The following CDX2 variants were observed in gnomAD, a reference collection of about 807,000 sequenced individuals.
CDX2 encodes caudal type homeobox 2.
CDX2 carries 7 observed loss-of-function variants against 25.5 expected under a neutral mutation model. That is an observed-to-expected ratio of 0.27 (90% CI 0.16 to 0.52). The LOEUF (loss-of-function observed/expected upper bound fraction) is 0.52. CDX2 is among the 20% of genes least tolerant of loss of function. The pLI, the probability that CDX2 is intolerant of heterozygous loss-of-function variation, is 0.97. For synonymous variants in CDX2, 222 were observed against 198.6 expected (o/e 1.12, Z -0.99); for missense variants, 375 against 431.4 (o/e 0.87, Z 1.16).
chr13:27,968,737 G>A lies in CDX2; in HGVS notation c.270C>T (p.Asn90=). 1 of 1,510,674 alleles carries A rather than the reference G, an allele frequency of 6.6e-7. No individual in the cohort carries two copies. Among genetic ancestry groups the A allele is most frequent in the Non-Finnish European group, 8.8e-7 (1 of 1,136,612 alleles). The allele number at this position is 1,510,674 out of a possible 1,614,324, so 93.6% of individuals were successfully genotyped here. Residue 90 remains asparagine, a synonymous_variant, in exon 1 of 3, where the codon AAC becomes AAT. Transcript: ENST00000381020. ...YAPGGAAAAA[N]AVAHGLNGGS... ...CACCGTTGAGGCCGTGAGCCACGGCGTTGGCGGCGGCCGCGGCGCCTCCGG... is the reference window on the plus strand; with the variant it reads ...CACCGTTGAGGCCGTGAGCCACGGCATTGGCGGCGGCCGCGGCGCCTCCGG...
At position 27,968,591 on chromosome 13, in the gene CDX2, G is replaced by A. The variant is rs1425248970; in HGVS notation, c.416C>T (p.Thr139Met). ...APSCASGLLQ[T>M]LNPGPPGPAA... ...GGGCCCAGGAGGGCCGGGGTTGAGC[G>A]TTTGCAGCAGCCCAGAAGCGCAGGA... The change falls in exon 1 of 3, where the codon ACG (threonine) becomes ATG (methionine). Residue 139 changes from threonine (T) to methionine (M), a missense_variant. Around this residue, in one of 3 missense-constraint regions of CDX2, gnomAD observed 253 missense variants for 247.5 expected, o/e 1.02. Coordinates refer to ENST00000381020, the MANE Select transcript of CDX2 (RefSeq NM_001265.6). 1.3e-6 allele frequency: 2 copies of A among 1,568,822 alleles called. No individual in the cohort carries two copies. Among genetic ancestry groups the A allele is most frequent in the East Asian group, 2.4e-5 (1 of 41,882 alleles).
chr13:27,964,296 G>A lies in CDX2; in HGVS notation c.687+574C>T, dbSNP rs1449350217. Among the ~76,000 whole-genome samples, 1 of 152,218 alleles carries A rather than the reference G, an allele frequency of 6.6e-6. No homozygotes were observed. The highest frequency in any genetic ancestry group is 1.5e-5 in the Non-Finnish European group (1 of 68,042). ...TGCCTGTAGTCCCAGCTATTTGGGAGGCTGAAGCAGGAGAATCGCTTGAAC... is the reference window on the plus strand; with the variant it reads ...TGCCTGTAGTCCCAGCTATTTGGGAAGCTGAAGCAGGAGAATCGCTTGAAC... On this transcript the variant is annotated intron_variant, in intron 2 of 2. Coordinates refer to ENST00000381020, the MANE Select transcript of CDX2 (RefSeq NM_001265.6). This position sits in a 1 kb window ranked among gnomAD's most constrained non-coding sequence, Gnocchi z 4.7.
Position 27,968,804 on chromosome 13 carries a change from G to A in CDX2, c.203C>T (p.Ala68Val). ...GTCCTCCCGGAGTGGGGCGCCATACGCTGCCGGCCAGGATGGCCCCGGGGA... is the reference window on the plus strand; with the variant it reads ...GTCCTCCCGGAGTGGGGCGCCATACACTGCCGGCCAGGATGGCCCCGGGGA... Reference protein sequence around the residue: ...AQSPGPSWPAAYGAPLREDWN... With the variant: ...AQSPGPSWPAVYGAPLREDWN... The change falls in exon 1 of 3, where the codon GCG becomes GTG. Residue 68 changes from alanine (A) to valine (V), a missense_variant. This residue lies in a region of CDX2 where 253 missense variants were observed against 247.5 expected (regional missense o/e 1.02). Transcript: ENST00000381020. 2 of 1,533,916 alleles carry A rather than the reference G, an allele frequency of 1.3e-6. No homozygotes were observed.
At chr13:27,966,312 C>A (rs1405118412) in intron 1 of CDX2, among the ~76,000 whole-genome samples, 1 of 152,236 alleles carries the variant, frequency 6.6e-6, no homozygotes, top group Non-Finnish European at 1.5e-5. Context: ...CCCGACCCCG[C>A]GCCTGCTATG....
Position 27,963,070 on chromosome 13 carries a change from C to T in CDX2, c.*45G>A. The T allele has an allele frequency of 6.3e-7, 1 of 1,575,962 alleles. No individual in the cohort carries two copies. On this transcript the variant is annotated 3_prime_UTR_variant, in exon 3 of 3. Transcript: ENST00000381020. ...GGAGTCTAGCAGAGTCCACGCTCCT[C>T]ATGGCTCAGCCTGGAATTGCTCTGC...
Position 27,963,208 on chromosome 13 carries a change from A to T in CDX2, c.849T>A (p.Ser283Arg), listed in dbSNP as rs139907356. ...CTGAGGCTTGCAGGGAAGACACCGG[A>T]CTCAAGGGCTCTGGGACACTTCTCA... ...GPLRSVPEPL[S>R]PVSSLQASVP... The change falls in exon 3 of 3, where the codon AGT becomes AGA. Residue 283 changes from serine to arginine, a missense_variant. This residue lies in a region of CDX2 where 58 missense variants were observed against 59.4 expected (regional missense o/e 0.98). Coordinates refer to ENST00000381020, the MANE Select transcript of CDX2 (RefSeq NM_001265.6). 71 of 1,614,034 alleles carry T rather than the reference A, an allele frequency of 4.4e-5. No homozygotes were observed. The Admixed American group carries it at 5.2e-4, about 12-fold the overall frequency.
At chr13:27,967,368 G>A (rs1869386330) in intron 1 of CDX2, 1 of 524,074 alleles carries the variant, frequency 1.9e-6, no homozygotes, top group Non-Finnish European at 3.7e-6. Context: ...CCCAAAGGGC[G>A]CTTTGATTTA....
At position 27,963,072 on chromosome 13, in the gene CDX2, T is replaced by A. The variant is rs1869136832; in HGVS notation, c.*43A>T. ...AGTCTAGCAGAGTCCACGCTCCTCATGGCTCAGCCTGGAATTGCTCTGCCG... is the reference window on the plus strand; with the variant it reads ...AGTCTAGCAGAGTCCACGCTCCTCAAGGCTCAGCCTGGAATTGCTCTGCCG... On this transcript the variant is annotated 3_prime_UTR_variant, in exon 3 of 3. Transcript: ENST00000381020. 7 of 1,577,966 alleles carry A rather than the reference T, an allele frequency of 4.4e-6. No individual in the cohort carries two copies. In the East Asian group the frequency reaches 1.6e-4, roughly 35 times the overall value.
chr13:27,968,882 C>T lies in CDX2; in HGVS notation c.125G>A (p.Gly42Asp), dbSNP rs1411143537. Reference protein sequence around the residue: ...VSPPQYPDYGGYHVAAAAAAA... With the variant: ...VSPPQYPDYGDYHVAAAAAAA... ...TGCAGCTGCGGCCGCCACGTGGTAA[C>T]CGCCGTAGTCCGGGTACTGCGGGGG... is the stretch of plus-strand genomic sequence containing the variant. Residue 42 changes from glycine to aspartate, a missense_variant, in exon 1 of 3, where the codon GGT becomes GAT. Physicochemically the swap from Gly to Asp is moderately conservative, Grantham distance 94 (BLOSUM62 -1). Around this residue, in one of 3 missense-constraint regions of CDX2, gnomAD observed 253 missense variants for 247.5 expected, o/e 1.02. Transcript: ENST00000381020. 1.9e-6 allele frequency: 3 copies of T among 1,604,438 alleles called. No homozygotes were observed. Among genetic ancestry groups the T allele is most frequent in the African/African-American group, 2.7e-5 (2 of 74,728 alleles).
chr13:27,963,202 C>T lies in CDX2; in HGVS notation c.855G>A (p.Val285=), dbSNP rs1195279015. ...LRSVPEPLSP[V]SSLQASVPGS... ...CAGGCACTGAGGCTTGCAGGGAAGA[C>T]ACCGGACTCAAGGGCTCTGGGACAC... Residue 285 remains valine (V), a synonymous_variant, in exon 3 of 3, where the codon GTG becomes GTA. Transcript: ENST00000381020. 3.7e-6 allele frequency: 6 copies of T among 1,614,214 alleles called. No individual in the cohort carries two copies. The Admixed American group carries it at 1.0e-4, about 27-fold the overall frequency.
chr13:27,968,032 G>T (rs1869421200), intron 1 of CDX2, among the ~76,000 whole-genome samples: 1 of 152,192 alleles, frequency 6.6e-6, no homozygotes, highest in Non-Finnish European at 1.5e-5. Flanking sequence ...AAGAGAGAGC[G>T]GAGATAAATG....
At chr13:27,963,400 T>G (rs2504212) in intron 2 of CDX2, 31 bp from the exon 3 acceptor site, 1,231,420 of 1,507,196 alleles carry the variant, frequency 0.82, 503,802 homozygotes, top group South Asian at 0.89. Context: ...AAAAGCACAT[T>G]GTGGTGAAGA....
rs763279091 is a variant in CDX2, at chr13:27,968,909, C to G, written c.98G>C (p.Ser33Thr). The G allele has an allele frequency of 6.2e-7, 1 of 1,608,206 alleles. No individual in the cohort carries two copies. ...GLNLAPQNFV[S>T]PPQYPDYGGY... ...GCCGTAGTCCGGGTACTGCGGGGGG[C>G]TGACGAAGTTCTGCGGCGCCAGGTT... is the stretch of plus-strand genomic sequence containing the variant. Residue 33 changes from serine (S) to threonine (T), a missense_variant, in exon 1 of 3, where the codon AGC (serine) becomes ACC (threonine). Ser to Thr is a moderately conservative substitution (Grantham distance 58). Transcript: ENST00000381020.
rs772885631 is a variant in CDX2, at chr13:27,963,075, C to T, written c.*40G>A. The stretch of plus-strand genomic sequence containing the variant: ...CTAGCAGAGTCCACGCTCCTCATGG[C>T]TCAGCCTGGAATTGCTCTGCCGCTG... On this transcript the variant is annotated 3_prime_UTR_variant, in exon 3 of 3. Transcript: ENST00000381020. The T allele has an allele frequency of 1.6e-5, 25 of 1,581,070 alleles. No homozygotes were observed. In the Middle Eastern group the frequency reaches 5.8e-4, roughly 37 times the overall value.
rs1266601817 is a variant in CDX2 at position 27,969,043 on chromosome 13, CCT to C, written c.-39_-38del. 1 of 1,524,628 alleles carries C rather than the reference CCT, an allele frequency of 6.6e-7. No homozygotes were observed. The highest frequency in any genetic ancestry group is 1.1e-5 in the South Asian group (1 of 87,384). 94.4% of individuals were successfully genotyped at this position (1,524,628 alleles called of 1,614,324 possible). ...TCCGGGAGCAGACCTCACCATGCTG[CCT>C]GGGGACCGACGCTGGAGGCTGCCGG... On this transcript the variant is annotated 5_prime_UTR_variant, in exon 1 of 3. Coordinates refer to ENST00000381020, the MANE Select transcript of CDX2 (RefSeq NM_001265.6).
chr13:27,967,376 T>C (rs561504828), intron 1 of CDX2: 228 of 525,292 alleles, frequency 4.3e-4, no homozygotes, highest in African/African-American at 3.9e-3. Context: ...GCGCTTTGAT[T>C]TATACAGTTG....
In CDX2 at chr13:27,961,727, G is replaced by C. The variant is rs1869059905; in HGVS notation, c.*1388C>G. On this transcript the variant is annotated 3_prime_UTR_variant, in exon 3 of 3. Coordinates refer to ENST00000381020, the MANE Select transcript of CDX2 (RefSeq NM_001265.6). ...AAAATTTAATGCTCACGTTTAACTAGCTGGGTTGTGGGGCGTCCTTAGGAG... is the reference window on the plus strand; with the variant it reads ...AAAATTTAATGCTCACGTTTAACTACCTGGGTTGTGGGGCGTCCTTAGGAG... 6.6e-6 allele frequency among the ~76,000 whole-genome samples: 1 copy of C among 152,136 alleles called. No homozygotes were observed. The highest frequency in any genetic ancestry group is 6.6e-5 in the Admixed American group (1 of 15,262).
At chr13:27,966,964 C>A (rs1189724376) in intron 1 of CDX2, among the ~76,000 whole-genome samples, 1 of 152,018 alleles carries the variant, frequency 6.6e-6, no homozygotes, top group Non-Finnish European at 1.5e-5. Context: ...GGGCACCCGG[C>A]GCCGACTGCG....
chr13:27,968,661 G>A lies in CDX2; in HGVS notation c.346C>T (p.His116Tyr). The change falls in exon 1 of 3, where the codon CAC (histidine) becomes TAC (tyrosine). Residue 116 changes from histidine (H) to tyrosine (Y), a missense_variant. By Grantham distance (83) the His-to-Tyr change is moderately conservative. Transcript: ENST00000381020. ...TGCGGGTGGTGATGCGGGTGGTGGT[G>A]CGGATGGTAGTCTGCGGGGCTGCTG... is the stretch of plus-strand genomic sequence containing the variant. ...GYSSPADYHP[H>Y]HHPHHHPHHP... 2 of 1,533,484 alleles carry A rather than the reference G, an allele frequency of 1.3e-6. No individual in the cohort carries two copies. Among genetic ancestry groups the A allele is most frequent in the South Asian group, 1.2e-5 (1 of 83,404 alleles). The allele number at this position is 1,533,484 out of a possible 1,614,324, so 95.0% of individuals were successfully genotyped here.
Sources: gnomAD v4.1 joint callset for allele counts (sites outside exome capture counted in the v4.1 genomes callset) on GRCh38, gnomAD v4.1.1 for gene constraint, gnomAD v4.1.1 regional missense constraint, Gnocchi (gnomAD v3.1) non-coding constraint, MANE v1.5 for transcripts, NCBI Gene and HGNC (gene_info 2026-07-23, HGNC 2026-07-21) for gene names.